Variants in MTRES1 observed in about 807,000 individuals in gnomAD.
The protein encoded by MTRES1 is mitochondrial transcription rescue factor 1, also known as uncharacterized protein C6orf203.
In MTRES1, 11 loss-of-function variants were observed where a neutral mutation model predicts 17.4. The ratio of observed to expected loss-of-function variants is 0.63; its 90% confidence interval spans 0.40 to 1.05. The LOEUF is 1.05. Among genes scored for constraint, MTRES1 ranks in the 50% least tolerant of loss-of-function variants. The pLI is 0.00. For synonymous variants in MTRES1, 94 were observed against 99.6 expected, an observed-to-expected ratio of 0.94 and a Z score of 0.34; for missense variants, 268 against 276.2, an observed-to-expected ratio of 0.97 and a Z score of 0.21.
chr6:107,039,353 C>T (rs920148729), intron 1 of MTRES1, among the ~76,000 whole-genome samples: 1 of 151,674 alleles, frequency 6.6e-6, no homozygotes, highest in African/African-American at 2.4e-5. Flanking sequence ...TGGTTTCTCT[C>T]TTGTTGCCTG....
chr6:107,033,255 G>T (rs995704255), intron 1 of MTRES1, among the ~76,000 whole-genome samples: 1 of 152,156 alleles, frequency 6.6e-6, no homozygotes, highest in East Asian at 1.9e-4. Flanking sequence ...AAAAAAATGT[G>T]TAGTGTTGGT....
In MTRES1 at chr6:107,048,801, A is replaced by G. The variant is rs377549828; in HGVS notation, c.544-2256A>G. Among the ~76,000 whole-genome samples the G allele has an allele frequency of 1.9e-3, 287 of 151,804 alleles. 2 individuals carry two copies. Among genetic ancestry groups the G allele is most frequent in the African/African-American group, 6.3e-3 (261 of 41,412 alleles). On this transcript the variant is annotated intron_variant, in intron 3 of 3. Coordinates refer to ENST00000311381, the MANE Select transcript of MTRES1 (RefSeq NM_016487.5). ...GTCAAAAAAAAAAAAAAAAGAAAAA[A>G]AAAATTGAACCAGCAGAACTACAGA...
At chr6:107,036,314 C>T (rs955903106) in intron 1 of MTRES1, among the ~76,000 whole-genome samples, 13 of 152,198 alleles carry the variant, frequency 8.5e-5, no homozygotes, top group East Asian at 1.9e-4. Flanking sequence ...GAGGCTGAGG[C>T]GGACAGATCA....
At position 107,051,124 on chromosome 6, in the gene MTRES1, T is replaced by G. The variant is rs782513064; in HGVS notation, c.611T>G (p.Met204Arg). ...EDKEAGTETV[M>R]RILLKKVFEE... is the part of the protein sequence containing the mutation. ...AAAGAAGCAGGAACAGAGACAGTTATGCGGATTCTCTTGAAAAAAGTGTTT... is the reference window on the plus strand; with the variant it reads ...AAAGAAGCAGGAACAGAGACAGTTAGGCGGATTCTCTTGAAAAAAGTGTTT... The change falls in exon 4 of 4, where the codon ATG becomes AGG. Residue 204 changes from methionine to arginine, a missense_variant. Physicochemically the swap from Met to Arg is moderately conservative, Grantham distance 91. Coordinates refer to ENST00000311381, the MANE Select transcript of MTRES1 (RefSeq NM_016487.5). The G allele has an allele frequency of 2.4e-5, 38 of 1,613,844 alleles. No homozygotes were observed. The East Asian group carries it at 7.6e-4, about 32-fold the overall frequency.
rs568480879 is a variant in MTRES1 at position 107,044,261 on chromosome 6, A to G, written c.472A>G (p.Lys158Glu). Residue 158 changes from lysine (K) to glutamate (E), a missense_variant and splice_region_variant, in exon 3 of 4, where the codon AAA becomes GAA. Lys to Glu is a moderately conservative substitution (Grantham distance 56). Transcript: ENST00000311381. ...TTGTTGCTTTTTTTTGTTTTGTAGCAAAGTGGAAGATGCTTTCTACAAAGG... is the reference window on the plus strand; with the variant it reads ...TTGTTGCTTTTTTTTGTTTTGTAGCGAAGTGGAAGATGCTTTCTACAAAGG... ...LKTGLDIGRNKVEDAFYKGEL... is the reference protein window; with the variant it reads ...LKTGLDIGRNEVEDAFYKGEL... 9.3e-6 allele frequency: 15 copies of G among 1,613,288 alleles called. No homozygotes were observed. In the South Asian group the frequency reaches 1.3e-4, roughly 14 times the overall value.
Position 107,028,206 on chromosome 6 carries a change from T to G in MTRES1, c.-78T>G, listed in dbSNP as rs1773697183. The stretch of plus-strand genomic sequence containing the variant: ...GCCGGCGGAAGGGGCGGGGCGCAGA[T>G]AGGGGTAGCCTGGAGGCCTGCAGTC... On this transcript the variant is annotated 5_prime_UTR_variant, in exon 1 of 4. Coordinates refer to ENST00000311381, the MANE Select transcript of MTRES1 (RefSeq NM_016487.5). The G allele has an allele frequency of 6.6e-6, 1 of 151,980 alleles. No homozygotes were observed. The highest frequency in any genetic ancestry group is 2.4e-5 in the African/African-American group (1 of 41,410). 9.4% of individuals were successfully genotyped at this position (151,980 alleles called of 1,614,324 possible).
At chr6:107,043,843 T>C (rs1774298769) in intron 2 of MTRES1, among the ~76,000 whole-genome samples, 3 of 152,166 alleles carry the variant, frequency 2.0e-5, no homozygotes, top group Admixed American at 2.0e-4. Flanking sequence ...AAAAATAGAT[T>C]TGAGGCCGGA....
At chr6:107,040,868 GAA>G (rs782600150) in intron 2 of MTRES1, 4 of 124,916 alleles carry the variant, frequency 3.2e-5, no homozygotes, top group African/African-American at 5.9e-5. Flanking sequence ...GACTCCATCT[GAA>G]AAAAAAAAAA....
At chr6:107,037,175 G>C (rs534584505) in intron 1 of MTRES1, among the ~76,000 whole-genome samples, 2 of 152,018 alleles carry the variant, frequency 1.3e-5, no homozygotes. Flanking sequence ...GCAGTGACAC[G>C]ATCTCAGCTC....
chr6:107,030,197 G>T, intron 1 of MTRES1: 1 of 717,946 alleles, frequency 1.4e-6, no homozygotes. Context: ...GAGGAAATGG[G>T]GGTTGAGGGA....
At chr6:107,030,218 C>G in intron 1 of MTRES1, 1 of 715,070 alleles carries the variant, frequency 1.4e-6, no homozygotes, top group Non-Finnish European at 2.6e-6. Flanking sequence ...GCACCAGATC[C>G]TATAGAGCCT....
intron 3 of MTRES1, among the ~76,000 whole-genome samples, chr6:107,049,475 G>A (rs1204266756): frequency 2.1e-4 from 31 of 146,078 alleles, no homozygotes; most frequent in African/African-American, 7.4e-4. Context: ...GTGCAGTGGC[G>A]AGATCTCGGC....
At chr6:107,039,339 G>T (rs1326107656) in intron 1 of MTRES1, among the ~76,000 whole-genome samples, 1 of 151,802 alleles carries the variant, frequency 6.6e-6, no homozygotes, top group African/African-American at 2.4e-5. Flanking sequence ...TTAATTTTGG[G>T]ATGTGGTTTC....
intron 3 of MTRES1, among the ~76,000 whole-genome samples, chr6:107,045,273 A>G (rs1774352575): frequency 6.6e-6 from 1 of 152,040 alleles, no homozygotes. Context: ...CGAGGTCAGG[A>G]GATCGAGACC....
intron 3 of MTRES1, among the ~76,000 whole-genome samples, chr6:107,047,275 T>C (rs1225645802): frequency 1.3e-5 from 2 of 151,864 alleles, no homozygotes; most frequent in African/African-American, 4.8e-5. Flanking sequence ...CAGGCTGGAG[T>C]GCGGTGGTGC....
At chr6:107,045,733 C>T (rs1428701504) in intron 3 of MTRES1, among the ~76,000 whole-genome samples, 1 of 152,084 alleles carries the variant, frequency 6.6e-6, no homozygotes, top group Non-Finnish European at 1.5e-5. Flanking sequence ...GACAGAGACC[C>T]TTAAAAAGTG....
chr6:107,032,241 C>T (rs1460437391), intron 1 of MTRES1, among the ~76,000 whole-genome samples: 3 of 152,264 alleles, frequency 2.0e-5, no homozygotes, highest in African/African-American at 7.2e-5. Context: ...GCCACCCCCA[C>T]GTTGATTCAT....
chr6:107,029,593 T>TGAA (rs1773764945), intron 1 of MTRES1, among the ~76,000 whole-genome samples: 1 of 150,700 alleles, frequency 6.6e-6, no homozygotes, highest in Non-Finnish European at 1.5e-5. Context: ...AAGCGATTCT[T>TGAA]CAGCCTCAGC....
chr6:107,031,392 AAAAAAAAG>A (rs1554226392), intron 1 of MTRES1, among the ~76,000 whole-genome samples: 4 of 147,714 alleles, frequency 2.7e-5, no homozygotes, highest in African/African-American at 1.0e-4. Context: ...TCTCAAAAAA[AAAAAAAAG>A]AAAAAAAAAG....
Sources: allele counts gnomAD v4.1 joint callset (sites outside exome capture counted in the v4.1 genomes callset), GRCh38; gene constraint gnomAD v4.1.1; transcripts MANE v1.5; gene names NCBI Gene and HGNC (gene_info 2026-07-23, HGNC 2026-07-21).